RPTOR: variants seen among roughly 807,000 people sequenced by gnomAD.
RPTOR encodes the protein regulatory associated protein of MTOR complex 1.
Under a neutral mutation model 169.9 loss-of-function variants are expected in RPTOR, and 21 were observed. The ratio of observed to expected loss-of-function variants is 0.12; its 90% CI spans 0.09 to 0.18. The LOEUF is 0.18. Ranked by LOEUF, RPTOR falls within the 10% of genes least tolerant of loss-of-function variation. The pLI is 1.00. For missense variants in RPTOR, 1,133 were observed against 1,855.9 expected (o/e 0.61, Z 7.16); for synonymous variants, 732 against 753.2 (o/e 0.97, Z 0.46).
chr17:80,842,627 G>A (rs1041754721), intron 10 of RPTOR, among the ~76,000 whole-genome samples: 2 of 152,192 alleles, frequency 1.3e-5, no homozygotes, highest in South Asian at 2.1e-4. Flanking sequence ...AGAGCTAATC[G>A]TGTATTTACC....
chr17:80,661,870 A>G (rs2143649570), intron 3 of RPTOR, among the ~76,000 whole-genome samples: 1 of 152,236 alleles, frequency 6.6e-6, no homozygotes, highest in South Asian at 2.1e-4. Flanking sequence ...GCACCGCTCG[A>G]GATTCACTGC....
At chr17:80,672,747 G>A (rs1003080367) in intron 3 of RPTOR, among the ~76,000 whole-genome samples, 2 of 151,884 alleles carry the variant, frequency 1.3e-5, no homozygotes, top group African/African-American at 2.4e-5. Context: ...CCGAGATCGC[G>A]TCACTGCACT....
At chr17:80,846,641 C>T in intron 11 of RPTOR, 67 bp downstream of exon 11, 1 of 1,337,134 alleles carries the variant, frequency 7.5e-7, no homozygotes, top group Non-Finnish European at 1.1e-6. Flanking sequence ...GCCTGTACAG[C>T]CCCGGGAGTG....
At chr17:80,815,123 C>G (rs955860586) in intron 7 of RPTOR, among the ~76,000 whole-genome samples, 5 of 152,248 alleles carry the variant, frequency 3.3e-5, no homozygotes, top group Non-Finnish European at 5.9e-5. Context: ...TCAGCCTCCA[C>G]CATGGCAGCC....
chr17:80,586,499 G>GA (rs1377384627), intron 1 of RPTOR, among the ~76,000 whole-genome samples: 2 of 152,152 alleles, frequency 1.3e-5, no homozygotes, highest in African/African-American at 4.8e-5. Flanking sequence ...GAATTAAAAG[G>GA]AAAAAAGCAG....
chr17:80,885,470 G>T (rs1450505962), intron 17 of RPTOR, among the ~76,000 whole-genome samples: 5 of 133,348 alleles, frequency 3.7e-5, no homozygotes, highest in African/African-American at 1.4e-4. Context: ...TGGCGGGAAG[G>T]TTTGTGTGCT....
Position 80,956,231 on chromosome 17 carries a change from A to C in RPTOR, c.3371-1393A>C, listed in dbSNP as rs1021131977. Among the ~76,000 whole-genome samples, 14 of 152,334 alleles carry C rather than the reference A, an allele frequency of 9.2e-5. No individual in the cohort carries two copies. In the South Asian group the frequency reaches 1.2e-3, roughly 14 times the overall value. ...AATTATGCTTCTCTATGAAAAAAAA[A>C]AAAAAGAGCAAACAATGGTAAAATG... On this transcript the variant is annotated intron_variant, in intron 28 of 33. Coordinates refer to ENST00000306801, the MANE Select transcript of RPTOR (RefSeq NM_020761.3).
chr17:80,727,060 C>T (rs1466609134), intron 4 of RPTOR, among the ~76,000 whole-genome samples: 3 of 152,048 alleles, frequency 2.0e-5, no homozygotes, highest in Non-Finnish European at 4.4e-5. Flanking sequence ...CGCTACACCT[C>T]CGACCACATC....
At chr17:80,881,170 G>A (rs374445913) in intron 14 of RPTOR, among the ~76,000 whole-genome samples, 26 of 152,024 alleles carry the variant, frequency 1.7e-4, no homozygotes, top group African/African-American at 5.3e-4. Context: ...CACAGTGTTC[G>A]GTGGCTTTGC....
intron 13 of RPTOR, among the ~76,000 whole-genome samples, chr17:80,865,281 C>A (rs528864575): frequency 6.6e-6 from 1 of 152,274 alleles, no homozygotes; most frequent in African/African-American, 2.4e-5. Flanking sequence ...TAGAAAAAGG[C>A]AGGATGATAG....
chr17:80,682,114 C>G (rs1214138700), intron 3 of RPTOR, among the ~76,000 whole-genome samples: 1 of 84,880 alleles, frequency 1.2e-5, no homozygotes, highest in Non-Finnish European at 2.5e-5. Flanking sequence ...AGGTCCCCCC[C>G]CCCACCCCAA....
At chr17:80,889,439 C>G (rs1407642179) in intron 17 of RPTOR, among the ~76,000 whole-genome samples, 2 of 152,178 alleles carry the variant, frequency 1.3e-5, no homozygotes, top group African/African-American at 4.8e-5. Context: ...GACAAGCGAC[C>G]GGTCAGAGGA....
Position 80,784,759 on chromosome 17 carries a change from C to T in RPTOR, c.831-6691C>T, listed in dbSNP as rs1196514796. On this transcript the variant is annotated intron_variant, in intron 6 of 33. Transcript: ENST00000306801. Reference sequence around the variant, plus strand: ...TTTTGCCAAGGCTGGAGTGCAGTGGCGCAATCTCGGCTCACTGCAACCTCC... The same window carrying T: ...TTTTGCCAAGGCTGGAGTGCAGTGGTGCAATCTCGGCTCACTGCAACCTCC... 6.0e-5 allele frequency among the ~76,000 whole-genome samples: 9 copies of T among 150,550 alleles called. No individual in the cohort carries two copies. The East Asian group carries it at 1.6e-3, about 26-fold the overall frequency.
At chr17:80,948,063 T>C (rs558854890) in intron 27 of RPTOR, among the ~76,000 whole-genome samples, 54 of 152,350 alleles carry the variant, frequency 3.5e-4, no homozygotes, top group African/African-American at 1.1e-3. Context: ...GAAGTCGCTG[T>C]CAGTCCCACT....
At chr17:80,545,858 A>G in intron 1 of RPTOR, 67 bp downstream of exon 1, 1 of 1,384,904 alleles carries the variant, frequency 7.2e-7, no homozygotes, top group Middle Eastern at 1.9e-4. Context: ...TTACAGCCCG[A>G]AAAGTGTCCT....
At chr17:80,582,035 G>A (rs1004040534) in intron 1 of RPTOR, among the ~76,000 whole-genome samples, 2 of 152,206 alleles carry the variant, frequency 1.3e-5, no homozygotes, top group African/African-American at 4.8e-5. Flanking sequence ...GCACTAGAGA[G>A]GGAGAGCTCT....
intron 20 of RPTOR, among the ~76,000 whole-genome samples, chr17:80,898,543 A>G (rs2068434124): frequency 6.6e-6 from 1 of 151,970 alleles, no homozygotes; most frequent in Non-Finnish European, 1.5e-5. Context: ...GTCCTGTTAC[A>G]GTTCTCAAAC....
chr17:80,637,092 A>AGGGTG (rs1332061278), intron 2 of RPTOR, among the ~76,000 whole-genome samples: 3 of 152,184 alleles, frequency 2.0e-5, no homozygotes, highest in Admixed American at 1.3e-4. Flanking sequence ...ATTTTTGGGC[A>AGGGTG]GGGTGGGGTG....
intron 3 of RPTOR, among the ~76,000 whole-genome samples, chr17:80,674,787 C>CAAAA (rs9319608): frequency 1.1e-5 from 1 of 89,974 alleles, no homozygotes; most frequent in African/African-American, 4.1e-5. Flanking sequence ...GACTCTGTCT[C>CAAAA]AAAAAAAAAA....
Sources: allele counts gnomAD v4.1 joint callset (sites outside exome capture counted in the v4.1 genomes callset), GRCh38; gene constraint gnomAD v4.1.1; transcripts MANE v1.5; gene names NCBI Gene and HGNC (gene_info 2026-07-23, HGNC 2026-07-21).